Variants in GPC5 observed in about 807,000 individuals in gnomAD.
GPC5 encodes the protein glypican-5.
Under a neutral mutation model 53.9 loss-of-function variants are expected in GPC5, and 47 were observed. The observed-to-expected ratio is 0.87, with a 90% CI of 0.69 to 1.11. GPC5 has a LOEUF of 1.11. Ranked by LOEUF, GPC5 falls within the 50% of genes most tolerant of loss-of-function variation. The pLI is 0.00. For missense variants in GPC5, 748 were observed against 713.1 expected (o/e 1.05, Z -0.56); for synonymous variants, 286 against 263.3 (o/e 1.09, Z -0.84).
intron 7 of GPC5, among the ~76,000 whole-genome samples, chr13:92,682,458 G>A (rs1887140368): frequency 6.6e-6 from 1 of 152,110 alleles, no homozygotes; most frequent in Non-Finnish European, 1.5e-5. Context: ...ATATGTGGTG[G>A]AGCACATGTT....
chr13:92,618,316 A>C (rs1253453350), intron 7 of GPC5, among the ~76,000 whole-genome samples: 2 of 152,154 alleles, frequency 1.3e-5, no homozygotes, highest in South Asian at 4.1e-4. Flanking sequence ...ACAATATGAC[A>C]TATTATTACA....
At chr13:91,774,413 G>C (rs901915774) in intron 5 of GPC5, among the ~76,000 whole-genome samples, 2 of 151,948 alleles carry the variant, frequency 1.3e-5, no homozygotes, top group Non-Finnish European at 2.9e-5. Flanking sequence ...TGAGGCTCTG[G>C]GCTACCACAT....
At chr13:92,421,578 A>T (rs992037916) in intron 7 of GPC5, among the ~76,000 whole-genome samples, 9 of 150,902 alleles carry the variant, frequency 6.0e-5, no homozygotes, top group Non-Finnish European at 1.2e-4. Context: ...GGGCACCTGT[A>T]GTCCCAGCTA....
chr13:92,156,349 A>T (rs2041945025), intron 7 of GPC5, among the ~76,000 whole-genome samples: 1 of 152,132 alleles, frequency 6.6e-6, no homozygotes, highest in African/African-American at 2.4e-5. Context: ...GCATCCACCC[A>T]TTATTAGTGT....
rs558138649 is a variant in GPC5, at chr13:91,410,927, G to T, written c.163+11718G>T. Among the ~76,000 whole-genome samples the T allele has an allele frequency of 1.6e-3, 238 of 152,074 alleles. 1 individual carries two copies. Among genetic ancestry groups the T allele is most frequent in the African/African-American group, 5.4e-3 (225 of 41,504 alleles). ...AGATCGAGACCATCCTGGCCAACAT[G>T]GTGAAACCCCGTCTCTACCAAAAAT... On this transcript the variant is annotated intron_variant, in intron 1 of 7. Transcript: ENST00000377067.
At chr13:92,709,250 G>A (rs575706694) in intron 7 of GPC5, among the ~76,000 whole-genome samples, 7 of 150,566 alleles carry the variant, frequency 4.6e-5, no homozygotes, top group African/African-American at 1.7e-4. Context: ...GTAGAGATAG[G>A]GTTTCACCAT....
At chr13:92,054,832 T>A (rs1010509977) in intron 6 of GPC5, among the ~76,000 whole-genome samples, 8 of 106,866 alleles carry the variant, frequency 7.5e-5, no homozygotes, top group African/African-American at 2.2e-4. Flanking sequence ...CATTGAACTA[T>A]ACAAAATCCC....
At chr13:91,510,383 A>G (rs1346832769) in intron 2 of GPC5, among the ~76,000 whole-genome samples, 1 of 152,208 alleles carries the variant, frequency 6.6e-6, no homozygotes, top group Non-Finnish European at 1.5e-5. Flanking sequence ...ATTTGCCCCA[A>G]GATATCCAGC....
rs929953815 is a variant in GPC5 at position 92,838,678 on chromosome 13, C to T, written c.1562-27604C>T. On this transcript the variant is annotated intron_variant, in intron 7 of 7. Transcript: ENST00000377067. ...TTACAACAAGTTGTCTGACAAATAA[C>T]TTTAAAATAACTATGATTAATATGC... Among the ~76,000 whole-genome samples the T allele has an allele frequency of 3.3e-5, 5 of 151,930 alleles. No homozygotes were observed. The South Asian group carries it at 1.0e-3, about 32-fold the overall frequency.
intron 6 of GPC5, among the ~76,000 whole-genome samples, chr13:92,136,623 A>G (rs1326886882): frequency 6.6e-6 from 1 of 152,180 alleles, no homozygotes; most frequent in Non-Finnish European, 1.5e-5. Flanking sequence ...ATCTGTGTAA[A>G]TGATCGTAAG....
chr13:91,496,618 C>T (rs1446629370), intron 2 of GPC5, among the ~76,000 whole-genome samples: 3 of 152,100 alleles, frequency 2.0e-5, no homozygotes, highest in African/African-American at 7.2e-5. Context: ...AGGATGGTTA[C>T]CAGAGGCTGG....
At chr13:91,842,435 G>T (rs537148996) in intron 5 of GPC5, among the ~76,000 whole-genome samples, 4 of 149,502 alleles carry the variant, frequency 2.7e-5, no homozygotes, top group Non-Finnish European at 5.9e-5. Flanking sequence ...GGGCGCGGTG[G>T]CTCACGCCTG....
intron 2 of GPC5, among the ~76,000 whole-genome samples, chr13:91,505,193 A>G (rs1594180632): frequency 6.6e-6 from 1 of 152,210 alleles, no homozygotes. Context: ...AAAAGTAGCT[A>G]GGAAGATCAA....
intron 7 of GPC5, among the ~76,000 whole-genome samples, chr13:92,599,912 A>G (rs1192968732): frequency 5.9e-5 from 9 of 152,168 alleles, no homozygotes; most frequent in Admixed American, 2.0e-4. Context: ...TACATTTATG[A>G]TGTTGTACAA....
At chr13:91,990,840 G>A (rs186575542) in intron 6 of GPC5, among the ~76,000 whole-genome samples, 1 of 152,296 alleles carries the variant, frequency 6.6e-6, no homozygotes, top group East Asian at 1.9e-4. Context: ...CATAGATACA[G>A]CTATTGCAAA....
intron 2 of GPC5, among the ~76,000 whole-genome samples, chr13:91,683,253 A>G (rs1292674461): frequency 6.6e-6 from 1 of 152,192 alleles, no homozygotes; most frequent in Non-Finnish European, 1.5e-5. Context: ...AGCCACCAGC[A>G]GCTGGAAAAA....
At chr13:92,372,357 A>T (rs1322347682) in intron 7 of GPC5, among the ~76,000 whole-genome samples, 2 of 152,222 alleles carry the variant, frequency 1.3e-5, no homozygotes, top group Non-Finnish European at 2.9e-5. Context: ...TATAATTTTT[A>T]AAATGTGAAA....
At chr13:92,669,625 C>A (rs1346725695) in intron 7 of GPC5, among the ~76,000 whole-genome samples, 4 of 152,116 alleles carry the variant, frequency 2.6e-5, no homozygotes, top group African/African-American at 9.7e-5. Context: ...TCCCCAGGTC[C>A]CAATCAGCAG....
intron 3 of GPC5, among the ~76,000 whole-genome samples, chr13:91,713,955 C>A (rs1193747687): frequency 6.6e-6 from 1 of 152,154 alleles, no homozygotes; most frequent in Non-Finnish European, 1.5e-5. Flanking sequence ...TCCCTCTCTC[C>A]TCCACTGCCC....
Sources: allele counts gnomAD v4.1 joint callset (sites outside exome capture counted in the v4.1 genomes callset), GRCh38; gene constraint gnomAD v4.1.1; transcripts MANE v1.5; gene names NCBI Gene and HGNC (gene_info 2026-07-23, HGNC 2026-07-21).